RBFOX3: variants seen among roughly 807,000 people sequenced by gnomAD.
RBFOX3 encodes the protein RNA binding protein fox-1 homolog 3.
Under a neutral mutation model 48.7 loss-of-function variants are expected in RBFOX3, and 17 were observed. The ratio of observed to expected loss-of-function variants is 0.35; its 90% CI spans 0.24 to 0.52. The LOEUF (loss-of-function observed/expected upper bound fraction) is 0.52, where lower values mean the gene tolerates loss of function less well. Among genes scored for constraint, RBFOX3 ranks in the 20% least tolerant of loss-of-function variants. RBFOX3 has a pLI of 0.94. For synonymous variants in RBFOX3, 212 were observed against 209.5 expected, an observed-to-expected ratio of 1.01 and a Z score of -0.10; for missense variants, 382 against 497.5, an observed-to-expected ratio of 0.77 and a Z score of 2.21.
At chr17:79,570,785 G>A (rs1280364249) in intron 1 of RBFOX3, among the ~76,000 whole-genome samples, 1 of 152,198 alleles carries the variant, frequency 6.6e-6, no homozygotes, top group East Asian at 1.9e-4. Context: ...GATCGGCCAG[G>A]GCTGGGAACC....
intron 6 of RBFOX3, 98 bp from the exon 7 acceptor site, chr17:79,104,224 C>CTGT (rs2076960552): frequency 1.9e-6 from 2 of 1,073,176 alleles, no homozygotes; most frequent in Non-Finnish European, 2.8e-6. Context: ...ACGCTCATGC[C>CTGT]TGTGCTCTGC....
intron 1 of RBFOX3, chr17:79,599,761 G>T (rs2093660137): frequency 6.6e-6 from 1 of 152,246 alleles, no homozygotes. Context: ...CATAATTGTA[G>T]TATCCAAGTT....
At chr17:79,241,040 A>G (rs187774551) in intron 3 of RBFOX3, among the ~76,000 whole-genome samples, 7 of 152,286 alleles carry the variant, frequency 4.6e-5, no homozygotes, top group African/African-American at 1.7e-4. Flanking sequence ...CAGTGGCACA[A>G]TCATAGCTCA....
intron 4 of RBFOX3, among the ~76,000 whole-genome samples, chr17:79,189,426 C>T (rs1271061328): frequency 2.6e-5 from 4 of 152,192 alleles, no homozygotes; most frequent in South Asian, 2.1e-4. Flanking sequence ...ACATGCTCGT[C>T]GTTAGCCCTT....
chr17:79,181,002 C>T (rs1275478695), intron 4 of RBFOX3, among the ~76,000 whole-genome samples: 1 of 152,166 alleles, frequency 6.6e-6, no homozygotes, highest in African/African-American at 2.4e-5. Context: ...GTGTCTTCCC[C>T]GTGGGTCATG....
intron 2 of RBFOX3, among the ~76,000 whole-genome samples, chr17:79,339,891 G>A (rs1383475420): frequency 6.6e-6 from 1 of 152,228 alleles, no homozygotes; most frequent in Non-Finnish European, 1.5e-5. Context: ...AGCCCTTGCT[G>A]AAATGCAGCA....
intron 2 of RBFOX3, among the ~76,000 whole-genome samples, chr17:79,372,435 C>A (rs181753477): frequency 6.7e-6 from 1 of 148,426 alleles, no homozygotes; most frequent in Admixed American, 6.7e-5. Context: ...AGTCTTATGA[C>A]CCCCCAGTTT....
At chr17:79,662,253 G>A in the RBFOX3 span, among the ~76,000 whole-genome samples, 1 of 150,448 alleles carries the variant, frequency 6.6e-6, no homozygotes, top group African/African-American at 2.4e-5. Flanking sequence ...CTCCTGAGTA[G>A]CTGGGACTAC....
At chr17:79,206,805 C>T (rs1110734) in intron 4 of RBFOX3, among the ~76,000 whole-genome samples, 66,332 of 152,010 alleles carry the variant, frequency 0.44, 16,511 homozygotes, top group Non-Finnish European at 0.55. Context: ...CTCAGGTGGG[C>T]AGCTCAGAAA....
At chr17:79,538,454 G>A (rs1599082589) in intron 1 of RBFOX3, among the ~76,000 whole-genome samples, 2 of 152,212 alleles carry the variant, frequency 1.3e-5, no homozygotes, top group Non-Finnish European at 2.9e-5. Flanking sequence ...CCTTGCGGGA[G>A]GCAGGGACAA....
chr17:79,588,246 T>C (rs2093314255), intron 1 of RBFOX3, among the ~76,000 whole-genome samples: 1 of 152,204 alleles, frequency 6.6e-6, no homozygotes, highest in African/African-American at 2.4e-5. Flanking sequence ...CAAATGGTTT[T>C]GAGCCTTACG....
chr17:79,560,668 C>T (rs2092150419), intron 1 of RBFOX3, among the ~76,000 whole-genome samples: 1 of 152,160 alleles, frequency 6.6e-6, no homozygotes, highest in Non-Finnish European at 1.5e-5. Flanking sequence ...ACAGCAACCT[C>T]ACCTCACCAC....
At chr17:79,329,777 T>C (rs2079934525) in intron 2 of RBFOX3, among the ~76,000 whole-genome samples, 1 of 152,134 alleles carries the variant, frequency 6.6e-6, no homozygotes. Context: ...GAGATCTCCA[T>C]CTATGGCTCC....
At chr17:79,525,023 A>G (rs2086614080) in intron 1 of RBFOX3, among the ~76,000 whole-genome samples, 1 of 152,220 alleles carries the variant, frequency 6.6e-6, no homozygotes, top group Admixed American at 6.5e-5. Flanking sequence ...ACACCCTGCC[A>G]TGTTCCTCTA....
At chr17:79,592,814 C>T (rs1054004209) in intron 1 of RBFOX3, among the ~76,000 whole-genome samples, 6 of 152,294 alleles carry the variant, frequency 3.9e-5, no homozygotes, top group East Asian at 1.9e-4. Flanking sequence ...GCAGTCCTGG[C>T]GCATCCCAAA....
chr17:79,650,421 T>C, the RBFOX3 span, among the ~76,000 whole-genome samples: 1 of 151,924 alleles, frequency 6.6e-6, no homozygotes. Context: ...CCCTGGGTAC[T>C]TTAAAGGCCC....
intron 2 of RBFOX3, among the ~76,000 whole-genome samples, chr17:79,396,976 G>A (rs1428672853): frequency 6.6e-6 from 1 of 152,204 alleles, no homozygotes; most frequent in African/African-American, 2.4e-5. Flanking sequence ...CAGGGAACGC[G>A]CACCAGGCTA....
chr17:79,618,464 T>A, the RBFOX3 span, among the ~76,000 whole-genome samples: 1 of 152,140 alleles, frequency 6.6e-6, no homozygotes, highest in African/African-American at 2.4e-5. Context: ...CAGAATAGTG[T>A]CAGATTGCTA....
rs772832896 is a variant in RBFOX3, at chr17:79,493,009, T to A, written c.-319-10411A>T. Among the ~76,000 whole-genome samples, 243 of 152,204 alleles carry A rather than the reference T, an allele frequency of 1.6e-3. 1 individual carries two copies. Among genetic ancestry groups the A allele is most frequent in the Middle Eastern group, 6.8e-3 (2 of 294 alleles). On this transcript the variant is annotated intron_variant, in intron 1 of 14. Transcript: ENST00000693108. ...CTATACAGAGATGCCTGAGGCTGGG[T>A]CATTTATCAAGAGAAGAGGTTTAAT...
Sources: allele counts gnomAD v4.1 joint callset (sites outside exome capture counted in the v4.1 genomes callset), GRCh38; gene constraint gnomAD v4.1.1; transcripts MANE v1.5; gene names NCBI Gene and HGNC (gene_info 2026-07-23, HGNC 2026-07-21).